MLLT6: variants seen among roughly 807,000 people sequenced by gnomAD.
The protein encoded by MLLT6 is MLLT6, PHD finger containing.
Under a neutral mutation model 103.0 loss-of-function variants are expected in MLLT6, and 22 were observed. The observed-to-expected ratio is 0.21, with a 90% CI of 0.15 to 0.31. MLLT6 has a LOEUF of 0.31. Among genes scored for constraint, MLLT6 ranks in the 10% least tolerant of loss-of-function variants. The pLI is 1.00. For missense variants in MLLT6, 1,199 were observed against 1,441.7 expected, an observed-to-expected ratio of 0.83 and a Z score of 2.73; for synonymous variants, 606 against 623.5, an observed-to-expected ratio of 0.97 and a Z score of 0.42.
In MLLT6 at chr17:38,728,249, C is replaced by G. The variant is rs552670883; in HGVS notation, c.*2651C>G. On this transcript the variant is annotated 3_prime_UTR_variant, in exon 20 of 20. Transcript: ENST00000621332. ...CAGGGAGCTTCAATGGGAAAGGTCT[C>G]GAAAGCTTCAGGAGGAGCAGAATAC... 4 of 233,296 alleles carry G rather than the reference C, an allele frequency of 1.7e-5. No homozygotes were observed. The highest frequency in any genetic ancestry group is 3.6e-4 in the South Asian group (2 of 5,520). 14.5% of individuals were successfully genotyped at this position (233,296 alleles called of 1,614,324 possible).
chr17:38,727,007 G>C lies in MLLT6; in HGVS notation c.*1409G>C, dbSNP rs187897247. On this transcript the variant is annotated 3_prime_UTR_variant, in exon 20 of 20. Transcript: ENST00000621332. ...GAGGCAAGGCGAAGCCTGTGTCCCTGTTTCAGTTGCACTGGGGTTGGAGCC... is the reference window on the plus strand; with the variant it reads ...GAGGCAAGGCGAAGCCTGTGTCCCTCTTTCAGTTGCACTGGGGTTGGAGCC... 523 of 233,770 alleles carry C rather than the reference G, an allele frequency of 2.2e-3. 8 individuals carry two copies. The East Asian group carries it at 0.028, about 12-fold the overall frequency. The allele number at this position is 233,770 out of a possible 1,614,324, so 14.5% of individuals were successfully genotyped here. A position where few individuals can be genotyped will look rare whatever the true frequency, so the allele number is the denominator to read the frequency against.
At chr17:38,714,488 A>C (rs1401651534) in intron 8 of MLLT6, 1 of 152,310 alleles carries the variant, frequency 6.6e-6, no homozygotes, top group Non-Finnish European at 1.5e-5. Flanking sequence ...CTGTAGTCCC[A>C]GCACTTTGGG....
chr17:38,715,800 C>T lies in MLLT6; in HGVS notation c.1008C>T (p.Ser336=), dbSNP rs777228551. 6 of 1,604,698 alleles carry T rather than the reference C, an allele frequency of 3.7e-6. No homozygotes were observed. The South Asian group carries it at 4.5e-5, about 12-fold the overall frequency. The change falls in exon 9 of 20, where the codon TCC becomes TCT. Residue 336 remains serine, a synonymous_variant. Transcript: ENST00000621332. ...SASSSSSSSS[S]SSGGPFQPAV... ...CCTCTTCTTCCTCCTCCTCTTCCTC[C>T]TCCTCTGGGGGGCCCTTCCAGCCTG... is the stretch of plus-strand genomic sequence containing the variant.
At position 38,716,451 on chromosome 17, in the gene MLLT6, C is replaced by T. The variant is rs1488522469; in HGVS notation, c.1121C>T (p.Ala374Val). The T allele has an allele frequency of 6.2e-7, 1 of 1,613,854 alleles. No individual in the cohort carries two copies. Among genetic ancestry groups the T allele is most frequent in the Non-Finnish European group, 8.5e-7 (1 of 1,179,850 alleles). ...PEEDKYSKPT[A>V]PAPSAPPSPS... ...GAGGACAAGTACTCCAAGCCCACAG[C>T]CCCCGCCCCTTCAGCCCCTCCTTCT... is the stretch of plus-strand genomic sequence containing the variant. The change falls in exon 10 of 20, where the codon GCC (alanine) becomes GTC (valine). Residue 374 changes from alanine to valine, a missense_variant. Physicochemically the swap from Ala to Val is moderately conservative, Grantham distance 64. Coordinates refer to ENST00000621332, the MANE Select transcript of MLLT6 (RefSeq NM_005937.4). The surrounding 1 kb of genome is among the most constrained non-coding windows in gnomAD (Gnocchi z 5.6).
intron 8 of MLLT6, chr17:38,714,878 CAGAT>C (rs1409877446): frequency 2.0e-5 from 3 of 152,456 alleles, no homozygotes; most frequent in Non-Finnish European, 4.4e-5. Context: ...TCTGGTGCCT[CAGAT>C]AGGACAGAAC....
At chr17:38,717,646 G>A in intron 11 of MLLT6, 33 bp downstream of exon 11, 1 of 1,602,976 alleles carries the variant, frequency 6.2e-7, no homozygotes, top group Non-Finnish European at 8.5e-7. Context: ...CTCCTTCCCT[G>A]GGCAGGTTGG....
rs1334559919 is a variant in MLLT6 at position 38,720,754 on chromosome 17, G to A, written c.2442+7G>A. On this transcript the variant is annotated splice_region_variant and intron_variant, in intron 16 of 19. Transcript: ENST00000621332. ...GCTGTCCACTTCTTCTGAGGTGGGC[G>A]CTACGAGGAGTGGGGCAGGAAGGAG... is the stretch of plus-strand genomic sequence containing the variant. The A allele has an allele frequency of 5.0e-6, 8 of 1,612,058 alleles. No homozygotes were observed. The highest frequency in any genetic ancestry group is 1.6e-4 in the Middle Eastern group (1 of 6,082).
In MLLT6 at chr17:38,722,038, G is replaced by T. The variant is rs1905778990; in HGVS notation, c.2603G>T (p.Arg868Leu). 1 of 1,416,924 alleles carries T rather than the reference G, an allele frequency of 7.1e-7. No individual in the cohort carries two copies. Among genetic ancestry groups the T allele is most frequent in the Non-Finnish European group, 9.2e-7 (1 of 1,088,882 alleles). The allele number at this position is 1,416,924 out of a possible 1,614,324, so 87.8% of individuals were successfully genotyped here. ...CCCCAGCCGCAGAACGGGTTGGGCCGGGCACCCGGGGCAGCGGGGCTGGGG... is the reference window on the plus strand; with the variant it reads ...CCCCAGCCGCAGAACGGGTTGGGCCTGGCACCCGGGGCAGCGGGGCTGGGG... ...LPPQPQNGLG[R>L]APGAAGLGAM... is the part of the protein sequence containing the mutation. Residue 868 changes from arginine (R) to leucine (L), a missense_variant, in exon 17 of 20, where the codon CGG becomes CTG. Physicochemically the swap from Arg to Leu is moderately radical, Grantham distance 102 (BLOSUM62 -2). Transcript: ENST00000621332.
In MLLT6 at chr17:38,725,045, C is replaced by T. The variant is rs1399913182; in HGVS notation, c.3240+69C>T. On this transcript the variant is annotated intron_variant, in intron 19 of 19. Coordinates refer to ENST00000621332, the MANE Select transcript of MLLT6 (RefSeq NM_005937.4). ...TGGGTAGAGATGGATTGTCAGAAGG[C>T]TTATCATCAGGTACCTCAGCAGGGG... 2.6e-6 allele frequency: 3 copies of T among 1,152,270 alleles called. No individual in the cohort carries two copies. The African/African-American group carries it at 4.7e-5, about 18-fold the overall frequency. The allele number at this position is 1,152,270 out of a possible 1,614,324, so 71.4% of individuals were successfully genotyped here. A position where few individuals can be genotyped will look rare whatever the true frequency, so the allele number is the denominator to read the frequency against.
In MLLT6 at chr17:38,709,726, G is replaced by A. The variant is rs933290537; in HGVS notation, c.552+151G>A. ...GCCCAAGAGGAGCTCTTCATTCGAT[G>A]AGGAATAAAGTACAGCTTCAGGTGT... is the stretch of plus-strand genomic sequence containing the variant. On this transcript the variant is annotated intron_variant, in intron 6 of 19. Coordinates refer to ENST00000621332, the MANE Select transcript of MLLT6 (RefSeq NM_005937.4). The surrounding 1 kb of genome is among the most constrained non-coding windows in gnomAD (Gnocchi z 4.3). The A allele has an allele frequency of 9.2e-6, 6 of 653,312 alleles. No homozygotes were observed. The Admixed American group carries it at 1.4e-4, about 15-fold the overall frequency. 40.5% of individuals were successfully genotyped at this position (653,312 alleles called of 1,614,324 possible). A position where few individuals can be genotyped will look rare whatever the true frequency, so the allele number is the denominator to read the frequency against.
In MLLT6 at chr17:38,721,884, C is replaced by T. The variant is rs1473735566; in HGVS notation, c.2449C>T (p.His817Tyr). The stretch of plus-strand genomic sequence containing the variant: ...CTTCCCCCTCCCTCCCCAGGACCCA[C>T]ACTCAGGCTGCCCGAGCCGCAGCAG... ...NSLSTSSEDP[H>Y]SGCPSRSSSS... The change falls in exon 17 of 20, where the codon CAC (histidine) becomes TAC (tyrosine). Residue 817 changes from histidine (H) to tyrosine (Y), a missense_variant. His to Tyr is a moderately conservative substitution (Grantham distance 83). Around this residue, in one of 7 missense-constraint regions of MLLT6, gnomAD observed 1,034 missense variants for 1,091.5 expected, o/e 0.95. Coordinates refer to ENST00000621332, the MANE Select transcript of MLLT6 (RefSeq NM_005937.4). 3 of 1,577,930 alleles carry T rather than the reference C, an allele frequency of 1.9e-6. No individual in the cohort carries two copies. The highest frequency in any genetic ancestry group is 2.6e-6 in the Non-Finnish European group (3 of 1,168,762).
chr17:38,710,341 C>T (rs1406737559), intron 6 of MLLT6, among the ~76,000 whole-genome samples: 1 of 152,152 alleles, frequency 6.6e-6, no homozygotes, highest in Non-Finnish European at 1.5e-5. Flanking sequence ...ACGTGTGTCC[C>T]AGAAGCTGTG....
intron 19 of MLLT6, 62 bp from the exon 20 acceptor site, chr17:38,725,495 C>A: frequency 6.7e-7 from 1 of 1,493,884 alleles, no homozygotes; most frequent in Non-Finnish European, 9.3e-7. Flanking sequence ...GGAAGCTGTT[C>A]TTATCTGGGG....
chr17:38,721,160 C>A, intron 16 of MLLT6: 1 of 217,944 alleles, frequency 4.6e-6, no homozygotes, highest in South Asian at 7.3e-5. Context: ...AAAATAATTC[C>A]TGTGTAACTG....
intron 16 of MLLT6, 193 bp downstream of exon 16, chr17:38,720,940 C>T (rs1173876905): frequency 1.6e-6 from 1 of 613,526 alleles, no homozygotes; most frequent in South Asian, 2.0e-5. Context: ...GCTAAGCAAT[C>T]AGTGAGCAAA....
At chr17:38,706,212 C>G (rs920344446) in intron 1 of MLLT6, 1 of 152,224 alleles carries the variant, frequency 6.6e-6, no homozygotes, top group African/African-American at 2.4e-5. Flanking sequence ...CTAAAATCCG[C>G]CGGGGAAGAG....
intron 8 of MLLT6, chr17:38,713,086 A>G: frequency 1.3e-6 from 1 of 755,336 alleles, no homozygotes; most frequent in Admixed American, 1.7e-5. Flanking sequence ...GGGGGACGGC[A>G]CTCAGGCCTG....
At chr17:38,707,648 C>G in intron 3 of MLLT6, 108 bp downstream of exon 3, 1 of 1,313,338 alleles carries the variant, frequency 7.6e-7, no homozygotes. Flanking sequence ...CCCTGGCTGG[C>G]GCTGGAATCT....
At position 38,705,613 on chromosome 17, in the gene MLLT6, C is replaced by G. The variant is rs1176904184; in HGVS notation, c.-20C>G. ...GCCGGCCGGCCCCCCGCCCCAGCCC[C>G]GGAGGGAGCTCATGGGAGTATGAAG... On this transcript the variant is annotated 5_prime_UTR_variant, in exon 1 of 20. Coordinates refer to ENST00000621332, the MANE Select transcript of MLLT6 (RefSeq NM_005937.4). 2.7e-6 allele frequency: 4 copies of G among 1,477,182 alleles called. No homozygotes were observed. The highest frequency in any genetic ancestry group is 2.6e-5 in the East Asian group (1 of 38,180). 91.5% of individuals were successfully genotyped at this position (1,477,182 alleles called of 1,614,324 possible).
Sources: allele counts gnomAD v4.1 joint callset (sites outside exome capture counted in the v4.1 genomes callset), GRCh38; gene constraint gnomAD v4.1.1; regional missense constraint gnomAD v4.1.1; non-coding constraint Gnocchi (gnomAD v3.1); transcripts MANE v1.5; gene names NCBI Gene and HGNC (gene_info 2026-07-23, HGNC 2026-07-21).